The following ZNF236 variants were observed in gnomAD, a reference collection of about 807,000 sequenced individuals.
The protein encoded by ZNF236 is regulated by glucose.
Under a neutral mutation model 191.2 loss-of-function variants are expected in ZNF236, and 50 were observed. The observed-to-expected ratio is 0.26, with a 90% CI of 0.21 to 0.33. ZNF236 has a LOEUF of 0.33. Ranked by LOEUF, ZNF236 falls within the 10% of genes least tolerant of loss-of-function variation. ZNF236 has a pLI of 1.00. For synonymous variants in ZNF236, 907 were observed against 928.8 expected, an observed-to-expected ratio of 0.98 and a Z score of 0.43; for missense variants, 1,754 against 2,374.5, an observed-to-expected ratio of 0.74 and a Z score of 5.43.
rs568261632 is a variant in ZNF236, at chr18:76,842,479, C to T, written c.56-7047C>T. ...TAAGAAGTGATACCATAGCCTGGTG[C>T]GATGGCTGACACCTGTAATCCCAGC... On this transcript the variant is annotated intron_variant, in intron 1 of 30. Coordinates refer to ENST00000320610, the MANE Select transcript of ZNF236 (RefSeq NM_001306089.2). 4.0e-5 allele frequency among the ~76,000 whole-genome samples: 6 copies of T among 150,700 alleles called. No homozygotes were observed. The East Asian group carries it at 9.8e-4, about 25-fold the overall frequency.
intron 21 of ZNF236, among the ~76,000 whole-genome samples, chr18:76,923,922 C>A (rs1174054452): frequency 6.6e-6 from 1 of 152,136 alleles, no homozygotes; most frequent in African/African-American, 2.4e-5. Flanking sequence ...GGTAAACGCA[C>A]AGTGAATGCA....
At position 76,880,201 on chromosome 18, in the gene ZNF236, A is replaced by G. The variant is rs1222663990; in HGVS notation, c.1073A>G (p.Asp358Gly). 6.2e-7 allele frequency: 1 copy of G among 1,614,008 alleles called. No homozygotes were observed. The highest frequency in any genetic ancestry group is 8.5e-7 in the Non-Finnish European group (1 of 1,180,030). The change falls in exon 8 of 31, where the codon GAC becomes GGC. Residue 358 changes from aspartate (D) to glycine (G), a missense_variant. Asp to Gly is a moderately conservative substitution (Grantham distance 94). Transcript: ENST00000320610. The surrounding 1 kb of genome is among the most constrained non-coding windows in gnomAD (Gnocchi z 5.0). ...CAGCCGAGCTCCCAGGCGGTGAGCG[A>G]CGTCATCCAGCAGCTCCTGGAGCTC... is the stretch of plus-strand genomic sequence containing the variant. ...SSQPSSQAVS[D>G]VIQQLLELSE...
chr18:76,848,343 A>G (rs776076573), intron 1 of ZNF236, among the ~76,000 whole-genome samples: 4 of 152,228 alleles, frequency 2.6e-5, no homozygotes, highest in Non-Finnish European at 5.9e-5. Context: ...ATTTGATACA[A>G]ATAGCTGTGT....
At chr18:76,828,195 C>T (rs1305256479) in intron 1 of ZNF236, among the ~76,000 whole-genome samples, 2 of 148,900 alleles carry the variant, frequency 1.3e-5, no homozygotes, top group Non-Finnish European at 1.5e-5. Context: ...GAGACAAGGT[C>T]TCGTTCTCTC....
At chr18:76,931,074 A>G (rs1967833119) in intron 25 of ZNF236, 1 of 152,216 alleles carries the variant, frequency 6.6e-6, no homozygotes, top group South Asian at 2.1e-4. Flanking sequence ...TAGGTCAAGA[A>G]CTTATTCAAC....
chr18:76,904,290 C>A lies in ZNF236; in HGVS notation c.1895-90C>A, dbSNP rs76247216. On this transcript the variant is annotated intron_variant, in intron 11 of 30. Coordinates refer to ENST00000320610, the MANE Select transcript of ZNF236 (RefSeq NM_001306089.2). ...TTAGAATCTAACTTACCAGAATTTTCATCTTCTGGGTAAAACATGTGCCTT... is the reference window on the plus strand; with the variant it reads ...TTAGAATCTAACTTACCAGAATTTTAATCTTCTGGGTAAAACATGTGCCTT... The A allele has an allele frequency of 6.3e-3, 8,232 of 1,299,256 alleles. 322 individuals are homozygous for A. In the African/African-American group the frequency reaches 0.098, roughly 15 times the overall value. The allele number at this position is 1,299,256 out of a possible 1,614,324, so 80.5% of individuals were successfully genotyped here.
At chr18:76,905,533 A>G in intron 13 of ZNF236, 118 bp downstream of exon 13, 1 of 859,494 alleles carries the variant, frequency 1.2e-6, no homozygotes, top group Non-Finnish European at 1.7e-6. Flanking sequence ...AGCTCATACT[A>G]TATGGGCTCA....
chr18:76,898,727 A>G (rs1001891363), intron 10 of ZNF236, among the ~76,000 whole-genome samples: 43 of 152,328 alleles, frequency 2.8e-4, no homozygotes, highest in African/African-American at 7.9e-4. Context: ...ATCCTTACAT[A>G]CTGTAAAGTT....
At chr18:76,822,946 G>T (rs1974901239) in intron 1 of ZNF236, among the ~76,000 whole-genome samples, 1 of 147,218 alleles carries the variant, frequency 6.8e-6, no homozygotes, top group African/African-American at 2.4e-5. Context: ...GCAGGCGGCC[G>T]CCTCCTGCGC....
At chr18:76,884,727 T>G (rs1326873696) in intron 9 of ZNF236, among the ~76,000 whole-genome samples, 2 of 152,194 alleles carry the variant, frequency 1.3e-5, no homozygotes, top group African/African-American at 4.8e-5. Context: ...CTTAGACTCA[T>G]CTGCTTTTTG....
intron 16 of ZNF236, among the ~76,000 whole-genome samples, 199 bp from the exon 17 acceptor site, chr18:76,912,045 G>C (rs1197141972): frequency 6.6e-6 from 1 of 152,042 alleles, no homozygotes; most frequent in African/African-American, 2.4e-5. Context: ...AAAATAAATA[G>C]GTCTTCATTT....
At chr18:76,893,805 G>A (rs75568611) in intron 9 of ZNF236, among the ~76,000 whole-genome samples, 2,420 of 152,356 alleles carry the variant, frequency 0.016, 30 homozygotes, top group Middle Eastern at 0.02. Flanking sequence ...GAGCCACTGC[G>A]CCCGGCCCAC....
rs541488052 is a variant in ZNF236, at chr18:76,970,848, G to A, written c.*2509G>A. 3.3e-5 allele frequency: 5 copies of A among 152,356 alleles called. No homozygotes were observed. The highest frequency in any genetic ancestry group is 3.4e-3 in the Middle Eastern group (1 of 294). The allele number at this position is 152,356 out of a possible 1,614,324, so 9.4% of individuals were successfully genotyped here. ...TGGTATTTTCCTTTACCTCTGTGAA[G>A]TTCAGAGGCGTTTACCCCTGCAGTG... On this transcript the variant is annotated 3_prime_UTR_variant, in exon 31 of 31. Coordinates refer to ENST00000320610, the MANE Select transcript of ZNF236 (RefSeq NM_001306089.2).
In ZNF236 at chr18:76,927,139, T is replaced by C. The variant is rs779000922; in HGVS notation, c.4130T>C (p.Ile1377Thr). ...AACTTGGTTGGACCAAATGTACAGATTTCTGGAATCGATGCTGCCAGCATT... is the reference window on the plus strand; with the variant it reads ...AACTTGGTTGGACCAAATGTACAGACTTCTGGAATCGATGCTGCCAGCATT... Reference protein sequence around the residue: ...AANLVGPNVQISGIDAASINN... With the variant: ...AANLVGPNVQTSGIDAASINN... The change falls in exon 23 of 31, where the codon ATT becomes ACT. Residue 1377 changes from isoleucine (I) to threonine (T), a missense_variant. Coordinates refer to ENST00000320610, the MANE Select transcript of ZNF236 (RefSeq NM_001306089.2). This position sits in a 1 kb window ranked among gnomAD's most constrained non-coding sequence, Gnocchi z 5.4. The C allele has an allele frequency of 1.9e-6, 3 of 1,614,060 alleles. No individual in the cohort carries two copies. The highest frequency in any genetic ancestry group is 2.5e-6 in the Non-Finnish European group (3 of 1,179,998).
intron 1 of ZNF236, among the ~76,000 whole-genome samples, chr18:76,825,444 T>C (rs1055097686): frequency 6.6e-6 from 1 of 152,198 alleles, no homozygotes; most frequent in African/African-American, 2.4e-5. Flanking sequence ...TTAGCACGAA[T>C]CTAGGTGGTG....
At position 76,899,153 on chromosome 18, in the gene ZNF236, C is replaced by G. The variant is rs373910373; in HGVS notation, c.1825C>G (p.Arg609Gly). ...MRHQRKPAKV[R>G]VGKTNIPVPD... ...GCACCAGCGTAAACCTGCAAAGGTC[C>G]GTGTTGGCAAGACGAATATTCCAGT... Residue 609 changes from arginine (R) to glycine (G), a missense_variant, in exon 11 of 31, where the codon CGT (arginine) becomes GGT (glycine). By Grantham distance (125) the Arg-to-Gly change is moderately radical (BLOSUM62 -2). Transcript: ENST00000320610. 4.4e-5 allele frequency: 71 copies of G among 1,614,012 alleles called. No individual in the cohort carries two copies. Among genetic ancestry groups the G allele is most frequent in the Non-Finnish European group, 5.7e-5 (67 of 1,180,022 alleles).
chr18:76,907,598 G>A (rs1445748255), intron 13 of ZNF236, among the ~76,000 whole-genome samples: 2 of 152,196 alleles, frequency 1.3e-5, no homozygotes, highest in Non-Finnish European at 2.9e-5. Flanking sequence ...CAAAGTGCTG[G>A]GATTACAGGT....
chr18:76,889,231 C>T (rs977317365), intron 9 of ZNF236, among the ~76,000 whole-genome samples: 1 of 152,238 alleles, frequency 6.6e-6, no homozygotes, highest in Non-Finnish European at 1.5e-5. Flanking sequence ...CACCTTATTT[C>T]TGCAGAAGTT....
chr18:76,898,748 A>G (rs777064574), intron 10 of ZNF236, among the ~76,000 whole-genome samples: 2 of 152,236 alleles, frequency 1.3e-5, no homozygotes. Flanking sequence ...CTGAAGAACT[A>G]CTGTCCATAT....
Sources: gnomAD v4.1 joint callset for allele counts (sites outside exome capture counted in the v4.1 genomes callset) on GRCh38, gnomAD v4.1.1 for gene constraint, Gnocchi (gnomAD v3.1) non-coding constraint, MANE v1.5 for transcripts, NCBI Gene and HGNC (gene_info 2026-07-23, HGNC 2026-07-21) for gene names.